The following FBXL5 variants were observed in gnomAD, a reference collection of about 807,000 sequenced individuals.
FBXL5 encodes F-box/LRR-repeat protein 5.
FBXL5 carries 26 observed loss-of-function variants against 78.3 expected under a neutral mutation model. That is an observed-to-expected ratio of 0.33 (90% CI 0.24 to 0.46). The LOEUF (loss-of-function observed/expected upper bound fraction) is 0.46. Among genes scored for constraint, FBXL5 ranks in the 20% least tolerant of loss-of-function variants. FBXL5 has a pLI of 1.00. For missense variants in FBXL5, 710 were observed against 829.2 expected (o/e 0.86, Z 1.77); for synonymous variants, 295 against 282.5 (o/e 1.04, Z -0.45).
At chr4:15,615,716 T>C (rs994979978) in intron 9 of FBXL5, among the ~76,000 whole-genome samples, 61 of 151,260 alleles carry the variant, frequency 4.0e-4, no homozygotes, top group Non-Finnish European at 6.9e-4. Context: ...ACTAACCTGA[T>C]GGGGACGTGG....
At chr4:15,665,440 T>C (rs909293852) in intron 1 of FBXL5, among the ~76,000 whole-genome samples, 2 of 152,190 alleles carry the variant, frequency 1.3e-5, no homozygotes, top group African/African-American at 4.8e-5. Flanking sequence ...TAGGATGGTC[T>C]ACCTTGCAGG....
chr4:15,610,858 TATTA>T (rs1157378546), intron 10 of FBXL5, among the ~76,000 whole-genome samples: 1 of 152,108 alleles, frequency 6.6e-6, no homozygotes, highest in South Asian at 2.1e-4. Flanking sequence ...AACAATTGCT[TATTA>T]ATTACTCTTG....
intron 9 of FBXL5, among the ~76,000 whole-genome samples, chr4:15,619,770 C>T (rs2148554165): frequency 6.6e-6 from 1 of 152,318 alleles, no homozygotes; most frequent in Middle Eastern, 3.4e-3. Context: ...ATCCTTTGAG[C>T]TCGGGAGTTT....
chr4:15,637,058 G>C (rs562865173), intron 4 of FBXL5, among the ~76,000 whole-genome samples: 3 of 152,176 alleles, frequency 2.0e-5, no homozygotes, highest in Non-Finnish European at 4.4e-5. Context: ...CAGATTATGA[G>C]ATCTCCAAGG....
intron 5 of FBXL5, among the ~76,000 whole-genome samples, chr4:15,631,603 C>T (rs370935072): frequency 9.3e-4 from 141 of 152,246 alleles, no homozygotes; most frequent in African/African-American, 2.9e-3. Context: ...TTTTAATGAT[C>T]GCCATTCTAA....
intron 5 of FBXL5, among the ~76,000 whole-genome samples, chr4:15,633,686 T>C (rs1253136020): frequency 6.6e-6 from 1 of 152,150 alleles, no homozygotes; most frequent in Non-Finnish European, 1.5e-5. Flanking sequence ...CTCTGCCTCC[T>C]GGACTGAAGT....
chr4:15,626,625 G>A (rs1452604376), intron 8 of FBXL5, among the ~76,000 whole-genome samples: 2 of 152,208 alleles, frequency 1.3e-5, no homozygotes, highest in Non-Finnish European at 2.9e-5. Flanking sequence ...CTACATGGTT[G>A]CACAGCAGGG....
chr4:15,605,918 G>T (rs529429048), intron 10 of FBXL5, 119 bp from the exon 11 acceptor site: 4 of 709,706 alleles, frequency 5.6e-6, no homozygotes, highest in Non-Finnish European at 1.0e-5. Context: ...TATGATAGAA[G>T]TAAATCTCAT....
intron 5 of FBXL5, 100 bp downstream of exon 5, chr4:15,636,394 T>C (rs1052593924): frequency 9.4e-6 from 9 of 960,836 alleles, no homozygotes; most frequent in Admixed American, 7.3e-5. Context: ...TACTTTTTGA[T>C]TGACCTCTCA....
intron 1 of FBXL5, among the ~76,000 whole-genome samples, chr4:15,674,514 T>C (rs920894121): frequency 3.3e-5 from 5 of 152,214 alleles, no homozygotes; most frequent in African/African-American, 1.2e-4. Flanking sequence ...TATATATTAG[T>C]GAAATTATAT....
At chr4:15,617,993 A>G (rs1208413353) in intron 9 of FBXL5, among the ~76,000 whole-genome samples, 1 of 152,196 alleles carries the variant, frequency 6.6e-6, no homozygotes, top group African/African-American at 2.4e-5. Context: ...AAAAAAAAGG[A>G]ATTAGAAAAA....
At chr4:15,617,134 T>C (rs1206282979) in intron 9 of FBXL5, among the ~76,000 whole-genome samples, 1 of 152,198 alleles carries the variant, frequency 6.6e-6, no homozygotes, top group African/African-American at 2.4e-5. Flanking sequence ...CAAAGGACTA[T>C]AAATCATTCT....
In FBXL5 at chr4:15,636,572, G is replaced by C. The variant is rs2148623420; in HGVS notation, c.688C>G (p.Gln230Glu). Residue 230 changes from glutamine (Q) to glutamate (E), a missense_variant, in exon 5 of 11, where the codon CAA becomes GAA. By Grantham distance (29) the Gln-to-Glu change is conservative. This residue lies in a region of FBXL5 where 517 missense variants were observed against 542.9 expected (regional missense o/e 0.95). Coordinates refer to ENST00000341285, the MANE Select transcript of FBXL5 (RefSeq NM_012161.4). ...LNPQELCRCSQVSMKWSQLTK... is the reference protein window; with the variant it reads ...LNPQELCRCSEVSMKWSQLTK... ...AGCTGAGACCATTTCATGCTTACTT[G>C]ACTGCATCGACATAACTCTTGAGGA... 2 of 1,613,966 alleles carry C rather than the reference G, an allele frequency of 1.2e-6. No individual in the cohort carries two copies. The highest frequency in any genetic ancestry group is 2.2e-5 in the East Asian group (1 of 44,862).
chr4:15,669,209 A>C (rs1717664533), intron 1 of FBXL5, among the ~76,000 whole-genome samples: 1 of 152,214 alleles, frequency 6.6e-6, no homozygotes, highest in Non-Finnish European at 1.5e-5. Context: ...ACCCAGATAC[A>C]AACTACATAC....
intron 9 of FBXL5, among the ~76,000 whole-genome samples, chr4:15,621,654 T>C (rs1156914515): frequency 6.6e-6 from 1 of 152,198 alleles, no homozygotes; most frequent in Non-Finnish European, 1.5e-5. Flanking sequence ...ATTCCACTTA[T>C]ATGAGGGGCC....
chr4:15,634,208 G>C (rs2148609522), intron 5 of FBXL5, among the ~76,000 whole-genome samples: 1 of 151,976 alleles, frequency 6.6e-6, no homozygotes, highest in Admixed American at 6.6e-5. Flanking sequence ...TTTTAAGACA[G>C]AGTCTTCCCT....
At chr4:15,627,861 A>T in intron 7 of FBXL5, 24 bp downstream of exon 7, 1 of 1,595,896 alleles carries the variant, frequency 6.3e-7, no homozygotes, top group East Asian at 2.2e-5. Flanking sequence ...CTTAATACCC[A>T]AACTAGTGTT....
At chr4:15,613,317 C>T (rs1196079384) in intron 9 of FBXL5, among the ~76,000 whole-genome samples, 2 of 151,910 alleles carry the variant, frequency 1.3e-5, no homozygotes, top group African/African-American at 4.8e-5. Context: ...CTGAATTAAT[C>T]GTATACTTTT....
intron 1 of FBXL5, among the ~76,000 whole-genome samples, chr4:15,670,656 A>G (rs1717725001): frequency 6.6e-6 from 1 of 151,580 alleles, no homozygotes; most frequent in South Asian, 2.1e-4. Context: ...CAAAAGAAAC[A>G]CTGGGCAATG....
Sources: gnomAD v4.1 joint callset for allele counts (sites outside exome capture counted in the v4.1 genomes callset) on GRCh38, gnomAD v4.1.1 for gene constraint, gnomAD v4.1.1 regional missense constraint, MANE v1.5 for transcripts, NCBI Gene and HGNC (gene_info 2026-07-23, HGNC 2026-07-21) for gene names.